COL24A1: variants seen among roughly 807,000 people sequenced by gnomAD.
COL24A1 encodes collagen type XXIV alpha 1 chain, also known as collagen alpha-1(XXIV) chain.
COL24A1 carries 224 observed loss-of-function variants against 253.9 expected under a neutral mutation model. The ratio of observed to expected loss-of-function variants is 0.88; its 90% CI spans 0.79 to 0.99. The LOEUF is 0.99. Ranked by LOEUF, COL24A1 falls within the 50% of genes least tolerant of loss-of-function variation. The pLI, the probability that COL24A1 is intolerant of heterozygous loss-of-function variation, is 0.00. For missense variants in COL24A1, 2,131 were observed against 2,068.5 expected (o/e 1.03, Z -0.59); for synonymous variants, 685 against 673.7 (o/e 1.02, Z -0.26).
chr1:85,890,341 C>T (rs1682985641), intron 31 of COL24A1, among the ~76,000 whole-genome samples: 1 of 152,068 alleles, frequency 6.6e-6, no homozygotes. Flanking sequence ...ACAGCAGTTC[C>T]CCTATTTTAT....
intron 2 of COL24A1, among the ~76,000 whole-genome samples, chr1:86,129,154 T>C (rs1261442743): frequency 1.3e-5 from 2 of 151,856 alleles, no homozygotes; most frequent in Non-Finnish European, 2.9e-5. Context: ...CACTGCACCT[T>C]GAGACAATTT....
At chr1:86,111,758 G>C (rs555815415) in intron 5 of COL24A1, among the ~76,000 whole-genome samples, 5 of 152,150 alleles carry the variant, frequency 3.3e-5, no homozygotes, top group African/African-American at 1.2e-4. Flanking sequence ...CTTCATTCCC[G>C]AGGCCAGCGA....
At chr1:86,073,266 T>C (rs1426950719) in intron 7 of COL24A1, among the ~76,000 whole-genome samples, 2 of 152,144 alleles carry the variant, frequency 1.3e-5, no homozygotes, top group African/African-American at 2.4e-5. Flanking sequence ...TTAACCAGTT[T>C]AGAGAAGAAC....
At chr1:85,965,397 TCA>T (rs1379040651) in intron 22 of COL24A1, among the ~76,000 whole-genome samples, 2 of 151,954 alleles carry the variant, frequency 1.3e-5, no homozygotes, top group African/African-American at 4.8e-5. Context: ...AGGTAACAAA[TCA>T]AGCAGGGAAG....
At chr1:85,979,214 A>G (rs1692998396) in intron 20 of COL24A1, among the ~76,000 whole-genome samples, 1 of 152,200 alleles carries the variant, frequency 6.6e-6, no homozygotes, top group Non-Finnish European at 1.5e-5. Context: ...AGTTCATAGT[A>G]TTAAATGCCT....
At chr1:86,019,444 G>C (rs1271770709) in intron 18 of COL24A1, among the ~76,000 whole-genome samples, 1 of 151,624 alleles carries the variant, frequency 6.6e-6, no homozygotes, top group African/African-American at 2.4e-5. Flanking sequence ...TGCAGTCCTT[G>C]CTACTTGAGA....
At chr1:85,858,368 A>C (rs1558414674) in intron 37 of COL24A1, among the ~76,000 whole-genome samples, 1 of 151,906 alleles carries the variant, frequency 6.6e-6, no homozygotes, top group Non-Finnish European at 1.5e-5. Context: ...TATTTACTAT[A>C]ATCTAGATAC....
chr1:85,921,648 CA>C (rs1478042701), intron 24 of COL24A1, among the ~76,000 whole-genome samples: 1 of 152,178 alleles, frequency 6.6e-6, no homozygotes, highest in Non-Finnish European at 1.5e-5. Flanking sequence ...GACATCCACA[CA>C]AAAACCCCAC....
intron 29 of COL24A1, 136 bp from the exon 30 acceptor site, chr1:85,896,201 G>C: frequency 8.5e-7 from 1 of 1,169,842 alleles, no homozygotes; most frequent in Non-Finnish European, 1.2e-6. Context: ...AAACATCTCT[G>C]CCTGTGTAGT....
intron 37 of COL24A1, among the ~76,000 whole-genome samples, chr1:85,865,382 A>C (rs1202003269): frequency 3.9e-5 from 6 of 152,218 alleles, no homozygotes; most frequent in Non-Finnish European, 7.3e-5. Flanking sequence ...AAAGCCATTT[A>C]AAATTCCAAG....
chr1:85,943,959 T>C (rs1448469269), intron 24 of COL24A1, among the ~76,000 whole-genome samples: 1 of 152,232 alleles, frequency 6.6e-6, no homozygotes, highest in East Asian at 1.9e-4. Flanking sequence ...TGAAAGTGCA[T>C]TGTCACAATG....
intron 51 of COL24A1, among the ~76,000 whole-genome samples, chr1:85,782,946 T>C (rs1304234582): frequency 6.6e-6 from 1 of 152,234 alleles, no homozygotes; most frequent in African/African-American, 2.4e-5. Context: ...GTGGCTTATT[T>C]GTCCTATTTA....
rs776681073 is a variant in COL24A1, at chr1:85,936,141, C to A, written c.2563-24708G>T. On this transcript the variant is annotated intron_variant, in intron 24 of 59. Coordinates refer to ENST00000370571, the MANE Select transcript of COL24A1 (RefSeq NM_152890.7). ...CCTAACCAAGACAAGTCTGTTATGCCAAAGTCAGGGTCTTGGTTAGAAAAA... is the reference window on the plus strand; with the variant it reads ...CCTAACCAAGACAAGTCTGTTATGCAAAAGTCAGGGTCTTGGTTAGAAAAA... 1.2e-4 allele frequency among the ~76,000 whole-genome samples: 16 copies of A among 131,806 alleles called. 3 individuals are homozygous for A. The highest frequency in any genetic ancestry group is 2.2e-4 in the Non-Finnish European group (13 of 60,262). 86.5% of individuals were successfully genotyped at this position (131,806 alleles called of 152,430 possible). A position where few individuals can be genotyped will look rare whatever the true frequency, so the allele number is the denominator to read the frequency against.
intron 7 of COL24A1, among the ~76,000 whole-genome samples, chr1:86,067,372 T>C (rs1381402272): frequency 6.6e-6 from 1 of 152,116 alleles, no homozygotes; most frequent in Non-Finnish European, 1.5e-5. Flanking sequence ...AGAGTAAAAA[T>C]GATACCTAAG....
chr1:86,119,845 A>T (rs2102222712), intron 3 of COL24A1, among the ~76,000 whole-genome samples: 1 of 151,810 alleles, frequency 6.6e-6, no homozygotes, highest in East Asian at 1.9e-4. Flanking sequence ...AGGAAAATAA[A>T]TTTAAAGAAC....
intron 7 of COL24A1, among the ~76,000 whole-genome samples, chr1:86,081,877 A>G (rs1360936447): frequency 6.6e-6 from 1 of 152,184 alleles, no homozygotes; most frequent in East Asian, 1.9e-4. Flanking sequence ...CTGCCTGCAT[A>G]TTTATATAAT....
chr1:86,074,457 C>T (rs2101863754), intron 7 of COL24A1, among the ~76,000 whole-genome samples: 1 of 151,978 alleles, frequency 6.6e-6, no homozygotes, highest in South Asian at 2.1e-4. Flanking sequence ...ATTCATAAAG[C>T]AAGTTCTTAG....
intron 2 of COL24A1, among the ~76,000 whole-genome samples, chr1:86,135,237 G>A (rs1365388029): frequency 6.6e-5 from 10 of 151,956 alleles, no homozygotes; most frequent in Non-Finnish European, 1.3e-4. Context: ...TTGAGCCTAT[G>A]TGTGTCTCTG....
At chr1:86,109,005 A>C (rs542887660) in intron 5 of COL24A1, among the ~76,000 whole-genome samples, 1 of 152,320 alleles carries the variant, frequency 6.6e-6, no homozygotes, top group East Asian at 1.9e-4. Flanking sequence ...AGAAGAATAA[A>C]AGCCATGTGG....
Sources: allele counts gnomAD v4.1 joint callset (sites outside exome capture counted in the v4.1 genomes callset), GRCh38; gene constraint gnomAD v4.1.1; transcripts MANE v1.5; gene names NCBI Gene and HGNC (gene_info 2026-07-23, HGNC 2026-07-21).